Variants in PLPP1 observed in about 807,000 individuals in gnomAD.
The protein encoded by PLPP1 is lipid phosphate phosphohydrolase 1a.
Under a neutral mutation model 31.2 loss-of-function variants are expected in PLPP1, and 24 were observed. That is an observed-to-expected ratio of 0.77 (90% CI 0.56 to 1.08). The LOEUF is 1.08. Ranked by LOEUF, PLPP1 falls within the 50% of genes least tolerant of loss-of-function variation. PLPP1 has a pLI of 0.00. For synonymous variants in PLPP1, 146 were observed against 126.3 expected (o/e 1.16, Z -1.05); for missense variants, 319 against 342.7 (o/e 0.93, Z 0.55).
chr5:55,500,077 ATTTTT>A (rs72040194), intron 1 of PLPP1, among the ~76,000 whole-genome samples: 2 of 112,480 alleles, frequency 1.8e-5, no homozygotes, highest in Non-Finnish European at 3.8e-5. Flanking sequence ...TTCTCTAAAA[ATTTTT>A]TTTTTTTTTT....
rs951075966 is a variant in PLPP1, at chr5:55,504,971, C to T, written c.59-29521G>A. On this transcript the variant is annotated intron_variant, in intron 1 of 5. Coordinates refer to ENST00000307259, the MANE Select transcript of PLPP1 (RefSeq NM_003711.4). ...AACTATAGGTGCACATCACCACACC[C>T]GGCTAATTTTTGTATTTTATGTAGA... Among the ~76,000 whole-genome samples, 5 of 151,896 alleles carry T rather than the reference C, an allele frequency of 3.3e-5. No individual in the cohort carries two copies. The South Asian group carries it at 6.2e-4, about 19-fold the overall frequency.
intron 3 of PLPP1, among the ~76,000 whole-genome samples, chr5:55,458,863 G>A (rs1752080295): frequency 8.0e-6 from 1 of 125,554 alleles, no homozygotes; most frequent in Non-Finnish European, 1.6e-5. Context: ...ACTCCAGTCT[G>A]GGCAACAGAG....
chr5:55,446,980 CACTA>C (rs1188875222), intron 3 of PLPP1, among the ~76,000 whole-genome samples: 1 of 152,190 alleles, frequency 6.6e-6, no homozygotes, highest in African/African-American at 2.4e-5. Flanking sequence ...GGATCTACAG[CACTA>C]ACTGACGCAG....
Position 55,534,647 on chromosome 5 carries a change from C to G in PLPP1, c.-18G>C. 16 of 1,540,860 alleles carry G rather than the reference C, an allele frequency of 1.0e-5. No homozygotes were observed. Among genetic ancestry groups the G allele is most frequent in the East Asian group, 2.6e-5 (1 of 39,170 alleles). On this transcript the variant is annotated 5_prime_UTR_variant, in exon 1 of 6. Coordinates refer to ENST00000307259, the MANE Select transcript of PLPP1 (RefSeq NM_003711.4). ...TCAAACATGGTCTCTGCCCGGGCTG[C>G]CCGGCAAGGGCGATGGACTGAGCTG...
Position 55,426,016 on chromosome 5 carries a change from C to T in PLPP1, c.573G>A (p.Lys191=), listed in dbSNP as rs750180964. The part of the protein sequence containing the change: ...FVALYLQARM[K]GDWARLLRPT... ...GGCGTAAGAGTCTTGCCCAGTCTCC[C>T]TTCATCCTGGCTTGAAGATAAAGCT... Residue 191 remains lysine, a synonymous_variant, in exon 5 of 6, where the codon AAG becomes AAA. Transcript: ENST00000307259. 4.4e-6 allele frequency: 7 copies of T among 1,603,442 alleles called. No individual in the cohort carries two copies. The East Asian group carries it at 8.9e-5, about 20-fold the overall frequency.
At chr5:55,441,567 TAGGG>T (rs1204329212) in intron 4 of PLPP1, among the ~76,000 whole-genome samples, 1 of 152,126 alleles carries the variant, frequency 6.6e-6, no homozygotes, top group Non-Finnish European at 1.5e-5. Context: ...GGCTCCCAGT[TAGGG>T]AGGAGGTTAA....
At chr5:55,498,563 T>A (rs1753051821) in intron 1 of PLPP1, among the ~76,000 whole-genome samples, 1 of 152,134 alleles carries the variant, frequency 6.6e-6, no homozygotes, top group African/African-American at 2.4e-5. Flanking sequence ...ATTTATGAAA[T>A]GAATGAATAA....
intron 4 of PLPP1, among the ~76,000 whole-genome samples, chr5:55,439,301 C>G (rs1751566910): frequency 6.6e-6 from 1 of 152,194 alleles, no homozygotes; most frequent in Non-Finnish European, 1.5e-5. Flanking sequence ...TTCAACCACT[C>G]ACAGCCATTC....
At chr5:55,461,579 C>G (rs893374137) in intron 3 of PLPP1, among the ~76,000 whole-genome samples, 4 of 151,560 alleles carry the variant, frequency 2.6e-5, no homozygotes, top group Non-Finnish European at 5.9e-5. Flanking sequence ...TGATAAAAAT[C>G]TAACAAAAAG....
At chr5:55,490,072 C>T (rs6450312) in intron 1 of PLPP1, among the ~76,000 whole-genome samples, 128,638 of 151,786 alleles carry the variant, frequency 0.85, 54,873 homozygotes, top group South Asian at 0.92. Context: ...AACAGTGAAG[C>T]CCAATATTGT....
intron 1 of PLPP1, among the ~76,000 whole-genome samples, chr5:55,486,897 A>T (rs931369453): frequency 1.1e-4 from 16 of 152,100 alleles, no homozygotes; most frequent in African/African-American, 3.6e-4. Flanking sequence ...TGGGCGACAG[A>T]GCGAGACTCC....
chr5:55,470,886 A>G (rs6882873), intron 2 of PLPP1, among the ~76,000 whole-genome samples: 130,447 of 152,126 alleles, frequency 0.86, 56,364 homozygotes, highest in South Asian at 0.92. Flanking sequence ...ATGTTTGGAG[A>G]AGTAAAACAA....
intron 1 of PLPP1, among the ~76,000 whole-genome samples, chr5:55,496,979 A>G (rs1753015835): frequency 6.6e-6 from 1 of 152,226 alleles, no homozygotes; most frequent in African/African-American, 2.4e-5. Context: ...AGGTAAAGAA[A>G]AAGTACTAAA....
At chr5:55,509,321 T>C (rs1579975044) in intron 1 of PLPP1, among the ~76,000 whole-genome samples, 3 of 152,220 alleles carry the variant, frequency 2.0e-5, no homozygotes, top group Admixed American at 2.0e-4. Context: ...CTGTACAGTA[T>C]ATTTGAGTGT....
chr5:55,521,793 G>C (rs1378569743), intron 1 of PLPP1, among the ~76,000 whole-genome samples: 2 of 152,138 alleles, frequency 1.3e-5, no homozygotes, highest in South Asian at 4.1e-4. Flanking sequence ...GTGGTAGGTA[G>C]GGCATAAAAT....
intron 1 of PLPP1, among the ~76,000 whole-genome samples, chr5:55,506,800 A>G (rs1753289017): frequency 6.6e-6 from 1 of 152,216 alleles, no homozygotes; most frequent in Non-Finnish European, 1.5e-5. Context: ...GTTTGCTTCC[A>G]TGAACCCTTT....
intron 1 of PLPP1, among the ~76,000 whole-genome samples, chr5:55,534,279 T>C (rs937155785): frequency 3.9e-5 from 6 of 152,118 alleles, no homozygotes; most frequent in Admixed American, 3.3e-4. Flanking sequence ...CCTGCTCTGC[T>C]AGAGTGGAAC....
At chr5:55,528,153 C>T (rs536753487) in intron 1 of PLPP1, among the ~76,000 whole-genome samples, 2 of 152,076 alleles carry the variant, frequency 1.3e-5, no homozygotes, top group South Asian at 4.2e-4. Flanking sequence ...TGGGACTGCC[C>T]GCAAATAAGT....
intron 1 of PLPP1, among the ~76,000 whole-genome samples, chr5:55,482,358 A>G (rs182409761): frequency 9.9e-5 from 15 of 152,066 alleles, no homozygotes; most frequent in African/African-American, 3.1e-4. Context: ...GTTAAGCTGA[A>G]TTTTCATGGT....
Sources: allele counts gnomAD v4.1 joint callset (sites outside exome capture counted in the v4.1 genomes callset), GRCh38; gene constraint gnomAD v4.1.1; transcripts MANE v1.5; gene names NCBI Gene and HGNC (gene_info 2026-07-23, HGNC 2026-07-21).